The following DHX38 variants were observed in gnomAD, a reference collection of about 807,000 sequenced individuals.
The protein encoded by DHX38 is DEAH-box helicase 38.
A neutral mutation model predicts 153.1 loss-of-function variants in DHX38; 100 were observed. The ratio of observed to expected loss-of-function variants is 0.65; its 90% CI spans 0.56 to 0.77. The LOEUF is 0.77. DHX38 is among the 30% of genes least tolerant of loss of function. The pLI is 0.00. For missense variants in DHX38, 1,440 were observed against 1,654.0 expected (o/e 0.87, Z 2.24); for synonymous variants, 650 against 631.7 (o/e 1.03, Z -0.43).
In DHX38 at chr16:72,107,418, C is replaced by T. The variant is rs748749582; in HGVS notation, c.2679C>T (p.Asn893=). The T allele has an allele frequency of 8.1e-6, 13 of 1,614,176 alleles. No individual in the cohort carries two copies. Among genetic ancestry groups the T allele is most frequent in the Middle Eastern group, 1.7e-4 (1 of 6,060 alleles). Reference sequence around the variant, plus strand: ...AGATCCAGAGGACTAACCTGGCCAACGTGGTGCTGCTGCTCAAGTCCCTCG... The same window carrying T: ...AGATCCAGAGGACTAACCTGGCCAATGTGGTGCTGCTGCTCAAGTCCCTCG... ...VPEIQRTNLA[N]VVLLLKSLGV... The change falls in exon 20 of 27, where the codon AAC becomes AAT. Residue 893 remains asparagine, a synonymous_variant. Coordinates refer to ENST00000268482, the MANE Select transcript of DHX38 (RefSeq NM_014003.4). This position sits in a 1 kb window ranked among gnomAD's most constrained non-coding sequence, Gnocchi z 5.3.
intron 1 of DHX38, 129 bp downstream of exon 1, chr16:72,094,180 C>T (rs1442143318): frequency 1.3e-5 from 2 of 152,922 alleles, no homozygotes; most frequent in African/African-American, 4.8e-5. Context: ...TGTCACCCAC[C>T]TTGCCTTACT....
In DHX38 at chr16:72,100,546, G is replaced by A. The variant is rs1174145770; in HGVS notation, c.1227G>A (p.Val409=). 3 of 1,614,174 alleles carry A rather than the reference G, an allele frequency of 1.9e-6. No homozygotes were observed. The highest frequency in any genetic ancestry group is 2.5e-6 in the Non-Finnish European group (3 of 1,180,040). Residue 409 remains valine, a synonymous_variant, in exon 9 of 27, where the codon GTG becomes GTA. Transcript: ENST00000268482. Reference sequence around the variant, plus strand: ...ACGCGGCCAAGGTGCATCTGATGGTGCACAATCTGGTGCCTCCCTTTCTGG... The same window carrying A: ...ACGCGGCCAAGGTGCATCTGATGGTACACAATCTGGTGCCTCCCTTTCTGG... The part of the protein sequence containing the change: ...EDNAAKVHLM[V]HNLVPPFLDG...
Position 72,109,506 on chromosome 16 carries a change from G to T in DHX38, c.3473G>T (p.Arg1158Leu). 1 of 1,611,226 alleles carries T rather than the reference G, an allele frequency of 6.2e-7. No individual in the cohort carries two copies. The highest frequency in any genetic ancestry group is 1.1e-5 in the South Asian group (1 of 90,564). Reference protein sequence around the residue: ...FYSVKQAGKSRQENRRRAKEE... With the variant: ...FYSVKQAGKSLQENRRRAKEE... ...AGCGTGAAACAGGCGGGCAAGTCAC[G>T]GCAGGTGAGGATTCTGTGCTCTTCG... is the stretch of plus-strand genomic sequence containing the variant. Residue 1158 changes from arginine (R) to leucine (L), a missense_variant, in exon 25 of 27, where the codon CGG (arginine) becomes CTG (leucine). This residue lies in a region of DHX38 where 543 missense variants were observed against 717.9 expected (regional missense o/e 0.76). Coordinates refer to ENST00000268482, the MANE Select transcript of DHX38 (RefSeq NM_014003.4).
rs2042231306 is a variant in DHX38 at position 72,109,567 on chromosome 16, T to C, written c.3477+57T>C. The C allele has an allele frequency of 2.0e-6, 3 of 1,528,328 alleles. No individual in the cohort carries two copies. In the South Asian group the frequency reaches 3.6e-5, roughly 19 times the overall value. 94.7% of individuals were successfully genotyped at this position (1,528,328 alleles called of 1,614,324 possible). On this transcript the variant is annotated intron_variant, in intron 25 of 26. Coordinates refer to ENST00000268482, the MANE Select transcript of DHX38 (RefSeq NM_014003.4). ...GTTTGCCTGTGGGGTCGGTGTTCCC[T>C]CCGCTTGGTATTGAAGACTTGCGGT... is the stretch of plus-strand genomic sequence containing the variant.
chr16:72,107,447 T>C lies in DHX38; in HGVS notation c.2708T>C (p.Val903Ala). The change falls in exon 20 of 27, where the codon GTG becomes GCG. Residue 903 changes from valine to alanine, a missense_variant. Val to Ala is a moderately conservative substitution (Grantham distance 64). Transcript: ENST00000268482. The surrounding 1 kb of genome is among the most constrained non-coding windows in gnomAD (Gnocchi z 5.3). ...GTGCTGCTGCTCAAGTCCCTCGGGG[T>C]GCAGGACCTGCTGCAGTTCCACTTC... ...NVVLLLKSLG[V>A]QDLLQFHFMD... 1 of 1,614,088 alleles carries C rather than the reference T, an allele frequency of 6.2e-7. No individual in the cohort carries two copies. Among genetic ancestry groups the C allele is most frequent in the Non-Finnish European group, 8.5e-7 (1 of 1,180,006 alleles).
chr16:72,106,508 G>T (rs1182637176), intron 19 of DHX38, among the ~76,000 whole-genome samples: 2 of 150,550 alleles, frequency 1.3e-5, no homozygotes, highest in Non-Finnish European at 3.0e-5. Context: ...GAGTGTGGTG[G>T]TGCAATCACA....
intron 23 of DHX38, 84 bp from the exon 24 acceptor site, chr16:72,108,716 G>A (rs2042217556): frequency 6.3e-7 from 1 of 1,590,764 alleles, no homozygotes; most frequent in African/African-American, 1.3e-5. Flanking sequence ...GCCAAAGGCT[G>A]TGTCAAGAGT....
rs1164147663 is a variant in DHX38, at chr16:72,103,090, G to T, written c.1516G>T (p.Ala506Ser). 1.2e-6 allele frequency: 2 copies of T among 1,614,212 alleles called. No homozygotes were observed. The highest frequency in any genetic ancestry group is 2.7e-5 in the African/African-American group (2 of 75,054). The change falls in exon 12 of 27, where the codon GCA (alanine) becomes TCA (serine). Residue 506 changes from alanine to serine, a missense_variant. Physicochemically the swap from Ala to Ser is moderately conservative, Grantham distance 99 (BLOSUM62 1). This residue lies in a region of DHX38 where 241 missense variants were observed against 229.5 expected (regional missense o/e 1.05). Coordinates refer to ENST00000268482, the MANE Select transcript of DHX38 (RefSeq NM_014003.4). ...KVDYRTEQKF[A>S]DHMKRKSEAS... ...TGTTCCTAGGACAGAGCAGAAGTTTGCAGATCACATGAAGAGAAAGAGCGA... is the reference window on the plus strand; with the variant it reads ...TGTTCCTAGGACAGAGCAGAAGTTTTCAGATCACATGAAGAGAAAGAGCGA...
intron 19 of DHX38, 65 bp downstream of exon 19, chr16:72,106,182 CG>C: frequency 6.6e-7 from 1 of 1,510,304 alleles, no homozygotes. Flanking sequence ...GGAGCCCGGG[CG>C]GGGGCGGGCA....
rs1464865771 is a variant in DHX38, at chr16:72,099,741, C to T, written c.970C>T (p.Arg324Trp). The change falls in exon 8 of 27, where the codon CGG becomes TGG. Residue 324 changes from arginine (R) to tryptophan (W), a missense_variant. Physicochemically the swap from Arg to Trp is moderately radical, Grantham distance 101. Around this residue, in one of 6 missense-constraint regions of DHX38, gnomAD observed 483 missense variants for 465.1 expected, o/e 1.04. Coordinates refer to ENST00000268482, the MANE Select transcript of DHX38 (RefSeq NM_014003.4). ...GCCTCCTGCCCTGCAGCAAGCCGAT[C>T]GGGATTGGTACATGATGGACGAGGG... ...QWEDDQRQAD[R>W]DWYMMDEGYD... 1.2e-5 allele frequency: 19 copies of T among 1,613,956 alleles called. No individual in the cohort carries two copies. The Admixed American group carries it at 1.8e-4, about 16-fold the overall frequency.
intron 25 of DHX38, among the ~76,000 whole-genome samples, chr16:72,110,169 T>C (rs2042238699): frequency 6.6e-6 from 1 of 152,258 alleles, no homozygotes; most frequent in Non-Finnish European, 1.5e-5. Context: ...CATTGATTTA[T>C]TGGAGCAGCC....
At position 72,106,127 on chromosome 16, in the gene DHX38, C is replaced by T. The variant is rs1484427620; in HGVS notation, c.2600+10C>T. 1 of 1,613,284 alleles carries T rather than the reference C, an allele frequency of 6.2e-7. No individual in the cohort carries two copies. Among genetic ancestry groups the T allele is most frequent in the Admixed American group, 1.7e-5 (1 of 60,016 alleles). ...CAGGTCAGTGTTTCAGGTAGGAGCC[C>T]TGTGCTAGCCTGCTTTCTGGGGCAG... is the stretch of plus-strand genomic sequence containing the variant. On this transcript the variant is annotated intron_variant, in intron 19 of 26. Coordinates refer to ENST00000268482, the MANE Select transcript of DHX38 (RefSeq NM_014003.4).
At chr16:72,101,428 C>G (rs2042099158) in intron 10 of DHX38, 72 bp from the exon 11 acceptor site, 1 of 1,447,824 alleles carries the variant, frequency 6.9e-7, no homozygotes, top group Non-Finnish European at 9.5e-7. Flanking sequence ...AGTCTGCTCT[C>G]CCGTGGGATT....
chr16:72,099,092 A>T, intron 6 of DHX38, 47 bp downstream of exon 6: 1 of 1,607,390 alleles, frequency 6.2e-7, no homozygotes, highest in African/African-American at 1.3e-5. Context: ...TGCTTGCCCT[A>T]GCGAGGATGA....
chr16:72,108,825 G>A lies in DHX38; in HGVS notation c.3281G>A (p.Arg1094His). 3 of 1,613,882 alleles carry A rather than the reference G, an allele frequency of 1.9e-6. No individual in the cohort carries two copies. The highest frequency in any genetic ancestry group is 2.5e-6 in the Non-Finnish European group (3 of 1,179,922). Residue 1094 changes from arginine to histidine, a missense_variant, in exon 24 of 27, where the codon CGC (arginine) becomes CAC (histidine). Physicochemically the swap from Arg to His is conservative, Grantham distance 29. This residue lies in a region of DHX38 where 543 missense variants were observed against 717.9 expected (regional missense o/e 0.76). Transcript: ENST00000268482. ...GGAATCGGGGAGTACGTGAACATCC[G>A]CACAGGGATGCCCTGCCACTTGCAC... The part of the protein sequence containing the change: ...LKGIGEYVNI[R>H]TGMPCHLHPT...
Position 72,109,425 on chromosome 16 carries a change from AGT to A in DHX38, c.3398_3399del (p.Val1133AspfsTer17). 6.2e-7 allele frequency: 1 copy of A among 1,612,894 alleles called. No homozygotes were observed. The highest frequency in any genetic ancestry group is 8.5e-7 in the Non-Finnish European group (1 of 1,179,490). ...CCCTTCTGCCCGCAGGAGTATATGC[AGT>A]GTGTGACCGCTGTGGACGGGGAGTG... On this transcript the variant is annotated frameshift_variant, in exon 25 of 27. Coordinates refer to ENST00000268482, the MANE Select transcript of DHX38 (RefSeq NM_014003.4). LOFTEE classifies it high-confidence loss of function.
At chr16:72,112,293 T>G in intron 26 of DHX38, 120 bp from the exon 27 acceptor site, 1 of 938,810 alleles carries the variant, frequency 1.1e-6, no homozygotes. Context: ...AGGAGATCCC[T>G]CGGCCCAGAG....
rs759090665 is a variant in DHX38 at position 72,104,465 on chromosome 16, C to G, written c.2011-21C>G. The G allele has an allele frequency of 1.9e-6, 3 of 1,612,116 alleles. No homozygotes were observed. On this transcript the variant is annotated intron_variant, in intron 14 of 26. Coordinates refer to ENST00000268482, the MANE Select transcript of DHX38 (RefSeq NM_014003.4). This position sits in a 1 kb window ranked among gnomAD's most constrained non-coding sequence, Gnocchi z 4.5. ...CCAAGGGTCCCCACCATGGGGGCCT[C>G]CGAGCCGCCTCTTCTCTCAGGTAGT...
Position 72,104,665 on chromosome 16 carries a change from C to A in DHX38, c.2151+39C>A, listed in dbSNP as rs757392534. ...CATGTTACGAACTGACCCTTCCATGCCACGCACTTCTCTGATGCGAAGCCG... is the reference window on the plus strand; with the variant it reads ...CATGTTACGAACTGACCCTTCCATGACACGCACTTCTCTGATGCGAAGCCG... On this transcript the variant is annotated intron_variant, in intron 15 of 26. Coordinates refer to ENST00000268482, the MANE Select transcript of DHX38 (RefSeq NM_014003.4). This position sits in a 1 kb window ranked among gnomAD's most constrained non-coding sequence, Gnocchi z 4.5. 6.2e-7 allele frequency: 1 copy of A among 1,612,524 alleles called. No homozygotes were observed. The highest frequency in any genetic ancestry group is 1.7e-5 in the Admixed American group (1 of 59,998).
Sources: gnomAD v4.1 joint callset for allele counts (sites outside exome capture counted in the v4.1 genomes callset) on GRCh38, gnomAD v4.1.1 for gene constraint, gnomAD v4.1.1 regional missense constraint, Gnocchi (gnomAD v3.1) non-coding constraint, MANE v1.5 for transcripts, NCBI Gene and HGNC (gene_info 2026-07-23, HGNC 2026-07-21) for gene names.